SPTBN1: variants seen among roughly 807,000 people sequenced by gnomAD.
SPTBN1 encodes the protein spectrin beta, non-erythrocytic 1, also known as spectrin beta chain, non-erythrocytic 1.
In SPTBN1, 32 loss-of-function variants were observed where a neutral mutation model predicts 266.4. The observed-to-expected ratio is 0.12, with a 90% CI of 0.09 to 0.16. SPTBN1 has a LOEUF of 0.16. Ranked by LOEUF, SPTBN1 falls within the 10% of genes least tolerant of loss-of-function variation. The pLI is 1.00. For synonymous variants in SPTBN1, 1,336 were observed against 1,162.2 expected (o/e 1.15, Z -3.04); for missense variants, 2,296 against 3,067.1 (o/e 0.75, Z 5.94).
chr2:54,576,455 GTTAC>G (rs140210496), intron 2 of SPTBN1, among the ~76,000 whole-genome samples: 3,217 of 151,748 alleles, frequency 0.021, 39 homozygotes, highest in Middle Eastern at 0.034. Context: ...TGTTGGCTCT[GTTAC>G]TTCAATTTTT....
chr2:54,484,585 G>A (rs988219372), intron 1 of SPTBN1, among the ~76,000 whole-genome samples: 1 of 152,234 alleles, frequency 6.6e-6, no homozygotes, highest in African/African-American at 2.4e-5. Context: ...CAGCGTTGAT[G>A]ACAAGTGTCT....
chr2:54,524,700 C>T lies in SPTBN1; in HGVS notation c.-47-1672C>T, dbSNP rs1361131212. 2.0e-5 allele frequency among the ~76,000 whole-genome samples: 3 copies of T among 152,332 alleles called. No homozygotes were observed. In the East Asian group the frequency reaches 5.8e-4, roughly 29 times the overall value. On this transcript the variant is annotated intron_variant, in intron 1 of 35. Coordinates refer to ENST00000356805, the MANE Select transcript of SPTBN1 (RefSeq NM_003128.3). ...AGCTTAAAATCCTGCAGTTGCTTCC[C>T]GCCACACTTGGGCTCGCCCACCTCC...
chr2:54,510,533 G>T (rs1298082848), intron 1 of SPTBN1, among the ~76,000 whole-genome samples: 7 of 152,216 alleles, frequency 4.6e-5, no homozygotes, highest in Admixed American at 4.6e-4. Flanking sequence ...GTTCCAAATT[G>T]CCCTGACATC....
chr2:54,662,342 C>T, intron 32 of SPTBN1: 1 of 982,792 alleles, frequency 1.0e-6, no homozygotes, highest in Non-Finnish European at 1.2e-6. Flanking sequence ...GATTCATTTG[C>T]ATAAACATTA....
chr2:54,648,662 G>T (rs2941594), intron 24 of SPTBN1, among the ~76,000 whole-genome samples: 1 of 152,146 alleles, frequency 6.6e-6, no homozygotes, highest in Non-Finnish European at 1.5e-5. Context: ...GGTGCAGAGA[G>T]AATTTTCCCC....
chr2:54,577,873 G>C (rs1456548474), intron 2 of SPTBN1, among the ~76,000 whole-genome samples: 1 of 152,196 alleles, frequency 6.6e-6, no homozygotes, highest in African/African-American at 2.4e-5. Context: ...TTTAGTGAAA[G>C]CAGTTGTTGA....
In SPTBN1 at chr2:54,529,852, CAAAAAAAAAA is replaced by C. The variant is rs61316795; in HGVS notation, c.148+3309_148+3318del. The C allele has an allele frequency of 5.7e-3, 351 of 61,928 alleles. 1 individual carries two copies. The highest frequency in any genetic ancestry group is 8.3e-3 in the Middle Eastern group (1 of 120). The allele number at this position is 61,928 out of a possible 1,614,324, so 3.8% of individuals were successfully genotyped here. A position where few individuals can be genotyped will look rare whatever the true frequency, so the allele number is the denominator to read the frequency against. On this transcript the variant is annotated intron_variant, in intron 2 of 35. Transcript: ENST00000356805. ...TCTAAATATACATATCTCTTTTCAC[CAAAAAAAAAA>C]AAAAAAAAAAAAAAAAAAAAAAGGT...
rs565759880 is a variant in SPTBN1 at position 54,632,087 on chromosome 2, A to G, written c.3564+476A>G. Among the ~76,000 whole-genome samples the G allele has an allele frequency of 5.3e-5, 8 of 151,714 alleles. No homozygotes were observed. In the South Asian group the frequency reaches 1.7e-3, roughly 32 times the overall value. ...TGAGACCCTGTCTCTTAAAAAAAAAAAAAAAAAAAAAGTACGGTGAGGATT... is the reference window on the plus strand; with the variant it reads ...TGAGACCCTGTCTCTTAAAAAAAAAGAAAAAAAAAAAGTACGGTGAGGATT... On this transcript the variant is annotated intron_variant, in intron 16 of 35. Transcript: ENST00000356805.
At chr2:54,590,252 C>T (rs1675578819) in intron 2 of SPTBN1, among the ~76,000 whole-genome samples, 1 of 152,172 alleles carries the variant, frequency 6.6e-6, no homozygotes, top group Non-Finnish European at 1.5e-5. Flanking sequence ...AGCAGTTCAC[C>T]TGTCATATAT....
chr2:54,637,708 AATAGAC>A lies in SPTBN1; in HGVS notation c.3768_3773del (p.His1257_Arg1258del). ...TAAAAATTATTTTTGTTACCATTCT[AATAGAC>A]ATAGGAAGAATCGTGAGACAGCCAG... On this transcript the variant is annotated splice_acceptor_variant and splice_polypyrimidine_tract_variant and coding_sequence_variant and intron_variant, in exon 18 of 36. Transcript: ENST00000356805. LOFTEE classifies it high-confidence loss of function. 1.1e-5 allele frequency: 17 copies of A among 1,609,432 alleles called. No homozygotes were observed. The Admixed American group carries it at 2.5e-4, about 24-fold the overall frequency.
chr2:54,463,886 T>G (rs904979834), intron 1 of SPTBN1, among the ~76,000 whole-genome samples: 12 of 152,100 alleles, frequency 7.9e-5, no homozygotes, highest in African/African-American at 2.7e-4. Context: ...AAACAAACAA[T>G]AAAATGCTAA....
At chr2:54,492,775 A>G (rs1478515080) in intron 1 of SPTBN1, among the ~76,000 whole-genome samples, 2 of 152,200 alleles carry the variant, frequency 1.3e-5, no homozygotes, top group African/African-American at 4.8e-5. Context: ...TTCATGTGGA[A>G]TAGAATGAGA....
chr2:54,558,722 AG>A lies in SPTBN1; in HGVS notation c.148+32161del. The stretch of plus-strand genomic sequence containing the variant: ...CTGCTGCGTGTTGGATGGGAGTGGG[AG>A]GGGGCTGGAGCGAGATTTCCAGGGC... On this transcript the variant is annotated intron_variant, in intron 2 of 35. Coordinates refer to ENST00000356805, the MANE Select transcript of SPTBN1 (RefSeq NM_003128.3). The surrounding 1 kb of genome is among the most constrained non-coding windows in gnomAD (Gnocchi z 4.6). 1.9e-6 allele frequency: 3 copies of A among 1,580,902 alleles called. No homozygotes were observed. Among genetic ancestry groups the A allele is most frequent in the East Asian group, 2.3e-5 (1 of 43,796 alleles).
At position 54,649,438 on chromosome 2, in the gene SPTBN1, A is replaced by G; in HGVS notation, c.5203-177A>G. ...AGTGCCTCACTCTGCTGCAGTGAGC[A>G]AGAAAGGAAACCCAGTTGCTAAGAG... On this transcript the variant is annotated intron_variant, in intron 25 of 35. Coordinates refer to ENST00000356805, the MANE Select transcript of SPTBN1 (RefSeq NM_003128.3). The surrounding 1 kb of genome is among the most constrained non-coding windows in gnomAD (Gnocchi z 6.7). 1 of 1,113,878 alleles carries G rather than the reference A, an allele frequency of 9.0e-7. No homozygotes were observed. The allele number at this position is 1,113,878 out of a possible 1,614,324, so 69.0% of individuals were successfully genotyped here. A position where few individuals can be genotyped will look rare whatever the true frequency, so the allele number is the denominator to read the frequency against.
At position 54,621,459 on chromosome 2, in the gene SPTBN1, C is replaced by T. The variant is rs1677989731; in HGVS notation, c.823C>T (p.His275Tyr). Reference sequence around the variant, plus strand: ...AATCACTTATGTGGTGACTTATTACCACTACTTCTCTAAGATGAAGGCCTT... The same window carrying T: ...AATCACTTATGTGGTGACTTATTACTACTACTTCTCTAAGATGAAGGCCTT... Reference protein sequence around the residue: ...SIITYVVTYYHYFSKMKALAV... With the variant: ...SIITYVVTYYYYFSKMKALAV... Residue 275 changes from histidine (H) to tyrosine (Y), a missense_variant, in exon 8 of 36, where the codon CAC becomes TAC. Physicochemically the swap from His to Tyr is moderately conservative, Grantham distance 83. This residue lies in a region of SPTBN1 where 178 missense variants were observed against 375.7 expected (regional missense o/e 0.47). Coordinates refer to ENST00000356805, the MANE Select transcript of SPTBN1 (RefSeq NM_003128.3). The T allele has an allele frequency of 6.2e-7, 1 of 1,613,984 alleles. No homozygotes were observed.
rs1671408758 is a variant in SPTBN1 at position 54,533,720 on chromosome 2, T to C, written c.148+7154T>C. Among the ~76,000 whole-genome samples, 1 of 152,058 alleles carries C rather than the reference T, an allele frequency of 6.6e-6. No individual in the cohort carries two copies. The highest frequency in any genetic ancestry group is 1.5e-5 in the Non-Finnish European group (1 of 68,004). ...CACCCGCCACCACACCTGGCTAATT[T>C]TTGTATTTTTAGTAGAGACGGGGTT... On this transcript the variant is annotated intron_variant, in intron 2 of 35. Transcript: ENST00000356805. This position sits in a 1 kb window ranked among gnomAD's most constrained non-coding sequence, Gnocchi z 4.2.
intron 30 of SPTBN1, among the ~76,000 whole-genome samples, chr2:54,658,291 C>G (rs1572771571): frequency 6.6e-6 from 1 of 152,116 alleles, no homozygotes; most frequent in Non-Finnish European, 1.5e-5. Context: ...AGCTTCCTGC[C>G]TGGGGGTTGA....
At chr2:54,637,267 A>G (rs1477532206) in intron 17 of SPTBN1, among the ~76,000 whole-genome samples, 1 of 152,020 alleles carries the variant, frequency 6.6e-6, no homozygotes, top group Admixed American at 6.5e-5. Context: ...TCAAGATGAG[A>G]AACTCTTTAT....
chr2:54,544,116 T>C (rs550984492), intron 2 of SPTBN1, among the ~76,000 whole-genome samples: 1 of 152,340 alleles, frequency 6.6e-6, no homozygotes, highest in South Asian at 2.1e-4. Context: ...TAGAAGTCTT[T>C]GGAAAGCATT....
Sources: gnomAD v4.1 joint callset for allele counts (sites outside exome capture counted in the v4.1 genomes callset) on GRCh38, gnomAD v4.1.1 for gene constraint, gnomAD v4.1.1 regional missense constraint, Gnocchi (gnomAD v3.1) non-coding constraint, MANE v1.5 for transcripts, NCBI Gene and HGNC (gene_info 2026-07-23, HGNC 2026-07-21) for gene names.